Variants in NBEAL1 observed in about 807,000 individuals in gnomAD.
NBEAL1 encodes the protein neurobeachin like 1.
In NBEAL1, 273 loss-of-function variants were observed where a neutral mutation model predicts 351.3. That is an observed-to-expected ratio of 0.78 (90% CI 0.70 to 0.86). The LOEUF (loss-of-function observed/expected upper bound fraction) is 0.86. Among genes scored for constraint, NBEAL1 ranks in the 40% least tolerant of loss-of-function variants. The pLI is 0.00. For synonymous variants in NBEAL1, 1,050 were observed against 1,086.4 expected, an observed-to-expected ratio of 0.97 and a Z score of 0.66; for missense variants, 2,961 against 3,201.3, an observed-to-expected ratio of 0.92 and a Z score of 1.81.
chr2:203,089,078 G>A (rs980009769), intron 10 of NBEAL1, among the ~76,000 whole-genome samples: 3 of 152,122 alleles, frequency 2.0e-5, no homozygotes, highest in African/African-American at 7.2e-5. Context: ...CTCACTTTAG[G>A]CCAGACGCGG....
chr2:203,021,767 C>T (rs2060775947), intron 2 of NBEAL1, among the ~76,000 whole-genome samples: 1 of 151,642 alleles, frequency 6.6e-6, no homozygotes, highest in Non-Finnish European at 1.5e-5. Flanking sequence ...AGACATGTAT[C>T]GGCTGGGCAC....
At position 203,224,640 on chromosome 2, in the gene NBEAL1, G is replaced by A. The variant is rs1016134530; in HGVS notation, c.*7286G>A. Among the ~76,000 whole-genome samples the A allele has an allele frequency of 1.3e-5, 2 of 152,070 alleles. No individual in the cohort carries two copies. Among genetic ancestry groups the A allele is most frequent in the Non-Finnish European group, 2.9e-5 (2 of 67,962 alleles). ...TGTTTTTTGAAAGTACTTGGAAATT[G>A]TGCTGCTACTTAAATATTGAAGGAA... On this transcript the variant is annotated 3_prime_UTR_variant, in exon 56 of 56. Coordinates refer to ENST00000683969, the MANE Select transcript of NBEAL1 (RefSeq NM_001378026.1).
intron 43 of NBEAL1, chr2:203,181,972 G>A (rs2064731268): frequency 6.6e-6 from 1 of 152,116 alleles, no homozygotes; most frequent in African/African-American, 2.4e-5. Context: ...GCTATCTTTA[G>A]CACCATTGTC....
rs1481070380 is a variant in NBEAL1, at chr2:203,222,638, A to C, written c.*5284A>C. On this transcript the variant is annotated 3_prime_UTR_variant, in exon 56 of 56. Coordinates refer to ENST00000683969, the MANE Select transcript of NBEAL1 (RefSeq NM_001378026.1). Reference sequence around the variant, plus strand: ...CTAATATTTGCCTCCAGAAAAGTACATCTGTTTGCTAATATTAGTTCCTGG... The same window carrying C: ...CTAATATTTGCCTCCAGAAAAGTACCTCTGTTTGCTAATATTAGTTCCTGG... Among the ~76,000 whole-genome samples, 1 of 152,206 alleles carries C rather than the reference A, an allele frequency of 6.6e-6. No individual in the cohort carries two copies. The highest frequency in any genetic ancestry group is 1.5e-5 in the Non-Finnish European group (1 of 68,032).
chr2:203,157,569 C>G (rs565181830), intron 35 of NBEAL1, 130 bp from the exon 36 acceptor site: 2 of 547,954 alleles, frequency 3.6e-6, no homozygotes, highest in East Asian at 7.0e-5. Context: ...AATCAAAGTA[C>G]CGTCTTTACT....
intron 31 of NBEAL1, among the ~76,000 whole-genome samples, chr2:203,140,685 A>G (rs2063344986): frequency 6.6e-6 from 1 of 151,676 alleles, no homozygotes; most frequent in African/African-American, 2.4e-5. Flanking sequence ...CTTAAAAAAA[A>G]TGATTATACT....
In NBEAL1 at chr2:203,190,304, T is replaced by C. The variant is rs1211618919; in HGVS notation, c.6836T>C (p.Leu2279Pro). The change falls in exon 46 of 56, where the codon CTG becomes CCG. Residue 2279 changes from leucine to proline, a missense_variant. Leu to Pro is a moderately conservative substitution (Grantham distance 98). Coordinates refer to ENST00000683969, the MANE Select transcript of NBEAL1 (RefSeq NM_001378026.1). ...CTTCTGGTTTTAGGAGCTGTGGATCTGGATGCCTTAACAGATGAGAAAGAA... is the reference window on the plus strand; with the variant it reads ...CTTCTGGTTTTAGGAGCTGTGGATCCGGATGCCTTAACAGATGAGAAAGAA... Reference protein sequence around the residue: ...YYCSYEGAVDLDALTDEKERK... With the variant: ...YYCSYEGAVDPDALTDEKERK... 1.2e-6 allele frequency: 2 copies of C among 1,609,204 alleles called. No individual in the cohort carries two copies. Among genetic ancestry groups the C allele is most frequent in the Admixed American group, 3.4e-5 (2 of 58,492 alleles).
At chr2:203,194,548 ACT>A (rs2065182400) in intron 47 of NBEAL1, among the ~76,000 whole-genome samples, 4 of 152,170 alleles carry the variant, frequency 2.6e-5, no homozygotes, top group Admixed American at 2.6e-4. Context: ...AGGTTGGTAA[ACT>A]CTTTCTTGTC....
At chr2:203,129,647 G>A (rs2063027390) in intron 24 of NBEAL1, among the ~76,000 whole-genome samples, 1 of 152,080 alleles carries the variant, frequency 6.6e-6, no homozygotes, top group Admixed American at 6.5e-5. Flanking sequence ...TTAAGCTAAT[G>A]GGGCAGGGGT....
intron 51 of NBEAL1, among the ~76,000 whole-genome samples, chr2:203,206,988 G>A (rs377228257): frequency 6.6e-6 from 1 of 151,588 alleles, no homozygotes; most frequent in African/African-American, 2.4e-5. Flanking sequence ...GCCTCTTCCC[G>A]GCCGCCATCC....
rs1342307653 is a variant in NBEAL1, at chr2:203,108,149, G to T, written c.1910G>T (p.Gly637Val). 3 of 1,551,420 alleles carry T rather than the reference G, an allele frequency of 1.9e-6. No homozygotes were observed. The highest frequency in any genetic ancestry group is 4.9e-5 in the East Asian group (2 of 40,988). ...FCLDQDQLTL[G>V]IANKGGKRKQ... ...TTAGACCAGGATCAGTTGACTCTTGGCATTGCTAACAAAGGAGGGAAAAGG... is the reference window on the plus strand; with the variant it reads ...TTAGACCAGGATCAGTTGACTCTTGTCATTGCTAACAAAGGAGGGAAAAGG... The change falls in exon 14 of 56, where the codon GGC (glycine) becomes GTC (valine). Residue 637 changes from glycine to valine, a missense_variant. By Grantham distance (109) the Gly-to-Val change is moderately radical. Transcript: ENST00000683969.
chr2:203,040,700 A>G (rs1249570259), intron 2 of NBEAL1: 1 of 622,834 alleles, frequency 1.6e-6, no homozygotes, highest in Non-Finnish European at 3.0e-6. Context: ...CCAGGGAAGT[A>G]TTTCCAGGAG....
chr2:203,197,433 T>C, intron 48 of NBEAL1, 42 bp downstream of exon 48: 1 of 1,226,912 alleles, frequency 8.2e-7, no homozygotes, highest in Non-Finnish European at 1.2e-6. Flanking sequence ...ATGCCTATAT[T>C]CATTACAACT....
At chr2:203,154,889 C>G (rs561977727) in intron 35 of NBEAL1, among the ~76,000 whole-genome samples, 1 of 138,864 alleles carries the variant, frequency 7.2e-6, no homozygotes, top group Non-Finnish European at 1.5e-5. Flanking sequence ...GAGCCACGAT[C>G]GTGTCACTGC....
chr2:203,066,558 G>A (rs1044186047), intron 6 of NBEAL1, among the ~76,000 whole-genome samples: 9 of 152,122 alleles, frequency 5.9e-5, no homozygotes, highest in African/African-American at 9.6e-5. Flanking sequence ...AACCGCCATC[G>A]TCATCATGGC....
chr2:203,164,704 A>G (rs1453310115), intron 36 of NBEAL1, among the ~76,000 whole-genome samples: 8 of 152,178 alleles, frequency 5.3e-5, no homozygotes, highest in African/African-American at 1.9e-4. Flanking sequence ...AAATGGTGAT[A>G]CAGAACTTCT....
intron 6 of NBEAL1, among the ~76,000 whole-genome samples, chr2:203,067,336 T>C (rs1314622858): frequency 6.6e-6 from 1 of 152,328 alleles, no homozygotes; most frequent in South Asian, 2.1e-4. Flanking sequence ...ACACTGGAAA[T>C]AGGCATAGAT....
chr2:203,105,038 T>C (rs1053684658), intron 12 of NBEAL1, among the ~76,000 whole-genome samples: 1 of 151,986 alleles, frequency 6.6e-6, no homozygotes, highest in Non-Finnish European at 1.5e-5. Context: ...TTTTGTATTT[T>C]AGTAGAGGTG....
intron 46 of NBEAL1, among the ~76,000 whole-genome samples, chr2:203,191,831 T>A (rs942707449): frequency 1.3e-5 from 2 of 152,244 alleles, no homozygotes; most frequent in Non-Finnish European, 2.9e-5. Flanking sequence ...CCCGTTAAAC[T>A]AGATCTCTTA....
Sources: allele counts gnomAD v4.1 joint callset (sites outside exome capture counted in the v4.1 genomes callset), GRCh38; gene constraint gnomAD v4.1.1; transcripts MANE v1.5; gene names NCBI Gene and HGNC (gene_info 2026-07-23, HGNC 2026-07-21).